Variants in EMILIN2 observed in about 807,000 individuals in gnomAD.
EMILIN2 encodes the protein EMILIN-2.
A neutral mutation model predicts 87.1 loss-of-function variants in EMILIN2; 71 were observed. That is an observed-to-expected ratio of 0.82 (90% CI 0.67 to 0.99). EMILIN2 has a LOEUF of 0.99. EMILIN2 is among the 50% of genes least tolerant of loss of function. The pLI, the probability that EMILIN2 is intolerant of heterozygous loss-of-function variation, is 0.00. For missense variants in EMILIN2, 1,407 were observed against 1,371.8 expected, an observed-to-expected ratio of 1.03 and a Z score of -0.40; for synonymous variants, 581 against 563.4, an observed-to-expected ratio of 1.03 and a Z score of -0.44.
chr18:2,859,061 C>A (rs2076647392), intron 2 of EMILIN2, among the ~76,000 whole-genome samples: 1 of 152,066 alleles, frequency 6.6e-6, no homozygotes, highest in Non-Finnish European at 1.5e-5. Flanking sequence ...ATAATGACTT[C>A]TTTGTCTCTG....
At position 2,848,452 on chromosome 18, in the gene EMILIN2, A is replaced by C. The variant is rs1365628432; in HGVS notation, c.257+521A>C. On this transcript the variant is annotated intron_variant, in intron 2 of 7. Coordinates refer to ENST00000254528, the MANE Select transcript of EMILIN2 (RefSeq NM_032048.3). This position sits in a 1 kb window ranked among gnomAD's most constrained non-coding sequence, Gnocchi z 4.1. ...ATGTCTAAGCTAAAACCTCAGGAACACTTTGCTTAAAAGTGTGGCTCCCCA... is the reference window on the plus strand; with the variant it reads ...ATGTCTAAGCTAAAACCTCAGGAACCCTTTGCTTAAAAGTGTGGCTCCCCA... 6.6e-6 allele frequency among the ~76,000 whole-genome samples: 1 copy of C among 152,182 alleles called. No homozygotes were observed. The highest frequency in any genetic ancestry group is 2.4e-5 in the African/African-American group (1 of 41,444).
rs371350425 is a variant in EMILIN2 at position 2,891,466 on chromosome 18, G to C, written c.1339G>C (p.Asp447His). Residue 447 changes from aspartate (D) to histidine (H), a missense_variant, in exon 4 of 8, where the codon GAT becomes CAT. Transcript: ENST00000254528. This position sits in a 1 kb window ranked among gnomAD's most constrained non-coding sequence, Gnocchi z 4.6. ...LIVPEPDVDF[D>H]AKWNELDARI... ...AGTTCCAGAGCCAGATGTGGATTTTGATGCAAAATGGAATGAACTCGATGC... is the reference window on the plus strand; with the variant it reads ...AGTTCCAGAGCCAGATGTGGATTTTCATGCAAAATGGAATGAACTCGATGC... The C allele has an allele frequency of 1.9e-6, 3 of 1,614,074 alleles. No individual in the cohort carries two copies. Among genetic ancestry groups the C allele is most frequent in the Non-Finnish European group, 2.5e-6 (3 of 1,180,030 alleles).
chr18:2,863,441 C>A (rs1160005320), intron 2 of EMILIN2, among the ~76,000 whole-genome samples: 4 of 152,098 alleles, frequency 2.6e-5, no homozygotes, highest in East Asian at 1.9e-4. Flanking sequence ...GTTGGTTTCA[C>A]AGAACATCTT....
intron 2 of EMILIN2, among the ~76,000 whole-genome samples, chr18:2,853,698 G>A (rs79091793): frequency 0.026 from 3,977 of 152,232 alleles, 180 homozygotes; most frequent in African/African-American, 0.09. Flanking sequence ...TTCAAGCCTC[G>A]CACTCCTCCC....
chr18:2,878,258 G>A (rs992794966), intron 2 of EMILIN2, among the ~76,000 whole-genome samples: 2 of 152,198 alleles, frequency 1.3e-5, no homozygotes, highest in Admixed American at 1.3e-4. Flanking sequence ...GGGAGGCGGA[G>A]GCCGGCAGAC....
chr18:2,907,021 GGGCGT>G lies in EMILIN2; in HGVS notation c.2601_2605del (p.Val868ArgfsTer51). The G allele has an allele frequency of 2.3e-6, 3 of 1,312,388 alleles. No homozygotes were observed. The highest frequency in any genetic ancestry group is 2.9e-6 in the Non-Finnish European group (3 of 1,035,248). 81.3% of individuals were successfully genotyped at this position (1,312,388 alleles called of 1,614,324 possible). A position where few individuals can be genotyped will look rare whatever the true frequency, so the allele number is the denominator to read the frequency against. Reference sequence around the variant, plus strand: ...GCGTGTCTGGGCGGGGTCTGCCGCGGGGCGTGGACGGCCAGACCGGGAGCGGCACC... The same window carrying G: ...GCGTGTCTGGGCGGGGTCTGCCGCGGGGACGGCCAGACCGGGAGCGGCACC... On this transcript the variant is annotated frameshift_variant, in exon 5 of 8. Transcript: ENST00000254528. LOFTEE classifies it high-confidence loss of function.
Position 2,913,121 on chromosome 18 carries a change from C to A in EMILIN2, c.2879C>A (p.Pro960His), listed in dbSNP as rs1455732474. ...TACCTGATCACGGCCACCCTCACCC[C>A]CGAGAGAGACGCCTACGTGGAAGCA... ...GRYLITATLT[P>H]ERDAYVEAVL... The change falls in exon 8 of 8, where the codon CCC becomes CAC. Residue 960 changes from proline to histidine, a missense_variant. Transcript: ENST00000254528. The A allele has an allele frequency of 6.2e-7, 1 of 1,613,516 alleles. No homozygotes were observed. The highest frequency in any genetic ancestry group is 1.7e-5 in the Admixed American group (1 of 60,032).
At chr18:2,856,177 C>T (rs2076626196) in intron 2 of EMILIN2, among the ~76,000 whole-genome samples, 1 of 151,962 alleles carries the variant, frequency 6.6e-6, no homozygotes, top group African/African-American at 2.4e-5. Context: ...GAGTTTGAAT[C>T]CAGCCTGGGC....
At chr18:2,882,285 C>G (rs999284883) in intron 2 of EMILIN2, among the ~76,000 whole-genome samples, 29 of 152,226 alleles carry the variant, frequency 1.9e-4, no homozygotes, top group African/African-American at 6.8e-4. Flanking sequence ...ACCAGGCTTC[C>G]TCTTCAGTTT....
In EMILIN2 at chr18:2,856,212, AAAAAT is replaced by A. The variant is rs200111144; in HGVS notation, c.257+8292_257+8296del. ...CAACATAGTGAGACCCCCCTCTCTAAAAAATAAAATAAAATTTAAGTGTAAAAAAA... is the reference window on the plus strand; with the variant it reads ...CAACATAGTGAGACCCCCCTCTCTAAAAAATAAAATTTAAGTGTAAAAAAA... On this transcript the variant is annotated intron_variant, in intron 2 of 7. Coordinates refer to ENST00000254528, the MANE Select transcript of EMILIN2 (RefSeq NM_032048.3). Among the ~76,000 whole-genome samples the A allele has an allele frequency of 4.3e-3, 651 of 152,232 alleles. 1 individual carries two copies. The highest frequency in any genetic ancestry group is 0.013 in the African/African-American group (546 of 41,532).
chr18:2,879,450 G>A (rs8084765), intron 2 of EMILIN2, among the ~76,000 whole-genome samples: 44,003 of 151,886 alleles, frequency 0.29, 6,747 homozygotes, highest in African/African-American at 0.38. Context: ...CCTGAGGTTG[G>A]GAGTTCGAGA....
intron 2 of EMILIN2, among the ~76,000 whole-genome samples, chr18:2,876,778 G>T (rs58381057): frequency 0.61 from 91,909 of 151,454 alleles, 28,315 homozygotes; most frequent in East Asian, 0.92. Flanking sequence ...AAAATATATA[G>T]ATATATGTAC....
At position 2,858,583 on chromosome 18, in the gene EMILIN2, G is replaced by GTGTATATATATATATA. The variant is rs1180735843; in HGVS notation, c.257+10653_257+10654insGTATATATATATATAT. On this transcript the variant is annotated intron_variant, in intron 2 of 7. Coordinates refer to ENST00000254528, the MANE Select transcript of EMILIN2 (RefSeq NM_032048.3). ...TATATATATATATGTGTGTGTGTGT[G>GTGTATATATATATATA]TATATATATATATATATATGTGTAT... Among the ~76,000 whole-genome samples the GTGTATATATATATATA allele has an allele frequency of 6.7e-4, 42 of 63,042 alleles. 1 individual carries two copies. The highest frequency in any genetic ancestry group is 9.8e-4 in the Non-Finnish European group (38 of 38,618). The allele number at this position is 63,042 out of a possible 152,430, so 41.4% of individuals were successfully genotyped here. A position where few individuals can be genotyped will look rare whatever the true frequency, so the allele number is the denominator to read the frequency against.
rs1373070012 is a variant in EMILIN2 at position 2,902,185 on chromosome 18, G to T, written c.2360-4598G>T. 2.0e-5 allele frequency among the ~76,000 whole-genome samples: 3 copies of T among 152,178 alleles called. No individual in the cohort carries two copies. In the East Asian group the frequency reaches 5.8e-4, roughly 29 times the overall value. On this transcript the variant is annotated intron_variant, in intron 4 of 7. Coordinates refer to ENST00000254528, the MANE Select transcript of EMILIN2 (RefSeq NM_032048.3). ...GGCAATTATTTTTGGCAAAATTAGG[G>T]TTCCCAACTTAATGGCTGGCAGGAA...
At chr18:2,899,120 G>T (rs1166262952) in intron 4 of EMILIN2, among the ~76,000 whole-genome samples, 1 of 152,196 alleles carries the variant, frequency 6.6e-6, no homozygotes, top group Non-Finnish European at 1.5e-5. Flanking sequence ...GCTCACTCAG[G>T]AGATCGCTGC....
rs2076914691 is a variant in EMILIN2, at chr18:2,906,769, C to A, written c.2360-14C>A. 3 of 1,255,640 alleles carry A rather than the reference C, an allele frequency of 2.4e-6. No individual in the cohort carries two copies. The highest frequency in any genetic ancestry group is 4.3e-5 in the Admixed American group (1 of 23,246). 77.8% of individuals were successfully genotyped at this position (1,255,640 alleles called of 1,614,324 possible). A position where few individuals can be genotyped will look rare whatever the true frequency, so the allele number is the denominator to read the frequency against. On this transcript the variant is annotated splice_polypyrimidine_tract_variant and intron_variant, in intron 4 of 7. Coordinates refer to ENST00000254528, the MANE Select transcript of EMILIN2 (RefSeq NM_032048.3). ...CCTAATCCCGTGTGTTTCTTTCTCC[C>A]CGACGCCCGGCAGAGGCGCCCTCGC...
At chr18:2,879,127 G>A (rs1239268951) in intron 2 of EMILIN2, among the ~76,000 whole-genome samples, 1 of 152,138 alleles carries the variant, frequency 6.6e-6, no homozygotes, top group Non-Finnish European at 1.5e-5. Flanking sequence ...TCGGGGGAGA[G>A]AGAAGATGGG....
chr18:2,871,197 G>A (rs2076718007), intron 2 of EMILIN2, among the ~76,000 whole-genome samples: 1 of 152,162 alleles, frequency 6.6e-6, no homozygotes, highest in Non-Finnish European at 1.5e-5. Flanking sequence ...TCCATGCAGA[G>A]GAGGGTCATG....
intron 2 of EMILIN2, among the ~76,000 whole-genome samples, chr18:2,858,190 G>A (rs1053312102): frequency 6.6e-6 from 1 of 151,426 alleles, no homozygotes; most frequent in African/African-American, 2.4e-5. Flanking sequence ...AGGTTTTTGG[G>A]GAATGGCTGG....
Sources: allele counts gnomAD v4.1 joint callset (sites outside exome capture counted in the v4.1 genomes callset), GRCh38; gene constraint gnomAD v4.1.1; non-coding constraint Gnocchi (gnomAD v3.1); transcripts MANE v1.5; gene names NCBI Gene and HGNC (gene_info 2026-07-23, HGNC 2026-07-21).